Variants in FREM3 observed in about 807,000 individuals in gnomAD.
FREM3 encodes FRAS1-related extracellular matrix protein 3.
A neutral mutation model predicts 129.1 loss-of-function variants in FREM3; 105 were observed. The ratio of observed to expected loss-of-function variants is 0.81; its 90% CI spans 0.69 to 0.96. The LOEUF (loss-of-function observed/expected upper bound fraction) is 0.96, where lower values mean the gene tolerates loss of function less well. Among genes scored for constraint, FREM3 ranks in the 40% least tolerant of loss-of-function variants. FREM3 has a pLI of 0.00. For synonymous variants in FREM3, 1,014 were observed against 1,044.9 expected (o/e 0.97, Z 0.57); for missense variants, 2,593 against 2,666.3 (o/e 0.97, Z 0.61).
intron 2 of FREM3, among the ~76,000 whole-genome samples, chr4:143,681,123 A>G (rs944664830): frequency 2.0e-5 from 3 of 152,118 alleles, no homozygotes; most frequent in Admixed American, 6.5e-5. Flanking sequence ...AAATTAAAAT[A>G]GTCTTTCTTG....
intron 2 of FREM3, among the ~76,000 whole-genome samples, chr4:143,686,232 G>T (rs1431036007): frequency 1.3e-5 from 2 of 152,142 alleles, no homozygotes; most frequent in African/African-American, 4.8e-5. Flanking sequence ...GACAAAGAGA[G>T]ACATTATATA....
chr4:143,700,251 T>TGCAGCA lies in FREM3; in HGVS notation c.419_424dup (p.Leu140_Leu141dup), dbSNP rs142391616. 1.7e-3 allele frequency: 2,667 copies of TGCAGCA among 1,536,664 alleles called. 89 individuals carry two copies. The East Asian group carries it at 0.056, about 32-fold the overall frequency. ...GTGAGTCGGGGCGTCGTAGCGCAGC[T>TGCAGCA]GCAGCAGCACCCGGGCGCGTCCGGG... On this transcript the variant is annotated inframe_insertion, in exon 1 of 8. Coordinates refer to ENST00000329798, the MANE Select transcript of FREM3 (RefSeq NM_001168235.2).
chr4:143,621,984 A>G (rs930380378), intron 4 of FREM3, among the ~76,000 whole-genome samples: 1 of 152,142 alleles, frequency 6.6e-6, no homozygotes, highest in Admixed American at 6.6e-5. Flanking sequence ...GTAACTATCT[A>G]TGAAACCACA....
chr4:143,638,683 T>C (rs115787588), intron 2 of FREM3, among the ~76,000 whole-genome samples: 205 of 152,242 alleles, frequency 1.3e-3, no homozygotes, highest in African/African-American at 4.9e-3. Context: ...CCCTATGCTC[T>C]AGGGCCAGGG....
At chr4:143,685,885 G>C (rs1202551594) in intron 2 of FREM3, among the ~76,000 whole-genome samples, 1 of 152,158 alleles carries the variant, frequency 6.6e-6, no homozygotes, top group Admixed American at 6.5e-5. Context: ...CTGGAGGAGG[G>C]ATGGCATTAG....
intron 2 of FREM3, among the ~76,000 whole-genome samples, chr4:143,634,320 A>G (rs958101350): frequency 5.3e-5 from 8 of 152,100 alleles, no homozygotes; most frequent in African/African-American, 1.9e-4. Flanking sequence ...AACAATAGAG[A>G]GCTAAATATA....
intron 2 of FREM3, among the ~76,000 whole-genome samples, chr4:143,677,024 C>A (rs1307282420): frequency 6.6e-6 from 1 of 152,130 alleles, no homozygotes; most frequent in Non-Finnish European, 1.5e-5. Flanking sequence ...ACTTTCTTCA[C>A]TGAATTGGAA....
Position 143,699,849 on chromosome 4 carries a change from C to T in FREM3, c.827G>A (p.Gly276Asp), listed in dbSNP as rs149219650. 1.2e-3 allele frequency: 1,914 copies of T among 1,536,602 alleles called. 16 individuals are homozygous for T. The African/African-American group carries it at 0.014, about 12-fold the overall frequency. Reference sequence around the variant, plus strand: ...CACACCCGCGGACCCAGCGTCTTGGCCCTCAGGCCCCAGCAGCTCCACCAT... The same window carrying T: ...CACACCCGCGGACCCAGCGTCTTGGTCCTCAGGCCCCAGCAGCTCCACCAT... ...PMMVELLGPE[G>D]QDAGSAGVLV... is the part of the protein sequence containing the mutation. The change falls in exon 1 of 8, where the codon GGC (glycine) becomes GAC (aspartate). Residue 276 changes from glycine to aspartate, a missense_variant. Physicochemically the swap from Gly to Asp is moderately conservative, Grantham distance 94. Coordinates refer to ENST00000329798, the MANE Select transcript of FREM3 (RefSeq NM_001168235.2). The surrounding 1 kb of genome is among the most constrained non-coding windows in gnomAD (Gnocchi z 4.2).
intron 2 of FREM3, among the ~76,000 whole-genome samples, chr4:143,640,552 C>A (rs1739305429): frequency 6.6e-6 from 1 of 152,148 alleles, no homozygotes; most frequent in Non-Finnish European, 1.5e-5. Flanking sequence ...TGCCTGTAAT[C>A]CCAGCTACTC....
chr4:143,592,389 T>G (rs1218449554), intron 6 of FREM3, among the ~76,000 whole-genome samples: 1 of 152,232 alleles, frequency 6.6e-6, no homozygotes, highest in Non-Finnish European at 1.5e-5. Flanking sequence ...TGGTTGTTCC[T>G]TTCCATGTTT....
Position 143,698,947 on chromosome 4 carries a change from A to G in FREM3, c.1729T>C (p.Ser577Pro). 1 of 1,537,286 alleles carries G rather than the reference A, an allele frequency of 6.5e-7. No homozygotes were observed. Among genetic ancestry groups the G allele is most frequent in the African/African-American group, 1.4e-5 (1 of 73,154 alleles). Residue 577 changes from serine (S) to proline (P), a missense_variant, in exon 1 of 8, where the codon TCA (serine) becomes CCA (proline). Ser to Pro is a moderately conservative substitution (Grantham distance 74). Around this residue, in one of 2 missense-constraint regions of FREM3, gnomAD observed 2,276 missense variants for 2,267.2 expected, o/e 1.00. Transcript: ENST00000329798. ...TTCTCCAGCACAAAGTGGATGGTTGAGTCCTCAGAGTCAATATCAGTAGCA... is the reference window on the plus strand; with the variant it reads ...TTCTCCAGCACAAAGTGGATGGTTGGGTCCTCAGAGTCAATATCAGTAGCA... The part of the protein sequence containing the change: ...LSATDIDSED[S>P]TIHFVLENQP...
intron 3 of FREM3, among the ~76,000 whole-genome samples, chr4:143,625,754 C>T (rs549070827): frequency 9.2e-5 from 14 of 152,266 alleles, no homozygotes; most frequent in Non-Finnish European, 1.6e-4. Context: ...GGCACAGCCA[C>T]CACTACCCTC....
chr4:143,673,501 T>G (rs1308526459), intron 2 of FREM3, among the ~76,000 whole-genome samples: 2 of 152,194 alleles, frequency 1.3e-5, no homozygotes, highest in Non-Finnish European at 2.9e-5. Flanking sequence ...AGTCTGCCCC[T>G]ACTGGGGGGT....
At chr4:143,630,272 A>G (rs2149843657) in intron 2 of FREM3, among the ~76,000 whole-genome samples, 1 of 152,290 alleles carries the variant, frequency 6.6e-6, no homozygotes, top group Middle Eastern at 3.4e-3. Flanking sequence ...TGGTTTTAAA[A>G]CAGCATAAGA....
chr4:143,682,428 G>A (rs1740270537), intron 2 of FREM3, among the ~76,000 whole-genome samples: 2 of 152,098 alleles, frequency 1.3e-5, no homozygotes, highest in Non-Finnish European at 2.9e-5. Flanking sequence ...ACTGATTGCG[G>A]GCTACCACTT....
At chr4:143,672,930 T>G (rs1740025022) in intron 2 of FREM3, among the ~76,000 whole-genome samples, 1 of 152,216 alleles carries the variant, frequency 6.6e-6, no homozygotes, top group Non-Finnish European at 1.5e-5. Context: ...CGTGCTATGG[T>G]TTTCAGCTCC....
intron 2 of FREM3, among the ~76,000 whole-genome samples, chr4:143,637,736 G>GA (rs1739257100): frequency 6.6e-6 from 1 of 152,090 alleles, no homozygotes; most frequent in Admixed American, 6.6e-5. Context: ...AGAAAAGAGG[G>GA]AAAAAACCAA....
intron 2 of FREM3, among the ~76,000 whole-genome samples, chr4:143,639,641 T>C (rs1292166926): frequency 3.3e-5 from 5 of 152,156 alleles, no homozygotes; most frequent in African/African-American, 1.2e-4. Flanking sequence ...TAAGTGAGCT[T>C]TAAGCTCCCT....
Position 143,697,961 on chromosome 4 carries a change from G to A in FREM3, c.2715C>T (p.Gly905=). The change falls in exon 1 of 8, where the codon GGC becomes GGT. Residue 905 remains glycine, a synonymous_variant. Coordinates refer to ENST00000329798, the MANE Select transcript of FREM3 (RefSeq NM_001168235.2). ...TGTCACTGGTAGTCGTCTGGTCTCTGCCATGCTGGTAAGAGACACTCCCGT... is the reference window on the plus strand; with the variant it reads ...TGTCACTGGTAGTCGTCTGGTCTCTACCATGCTGGTAAGAGACACTCCCGT... ...VINGSVSYQH[G]RDQTTTSDTF... 6.5e-7 allele frequency: 1 copy of A among 1,537,566 alleles called. No homozygotes were observed. The highest frequency in any genetic ancestry group is 8.7e-7 in the Non-Finnish European group (1 of 1,146,874).
Sources: gnomAD v4.1 joint callset for allele counts (sites outside exome capture counted in the v4.1 genomes callset) on GRCh38, gnomAD v4.1.1 for gene constraint, gnomAD v4.1.1 regional missense constraint, Gnocchi (gnomAD v3.1) non-coding constraint, MANE v1.5 for transcripts, NCBI Gene and HGNC (gene_info 2026-07-23, HGNC 2026-07-21) for gene names.